TBC1D15: variants seen among roughly 807,000 people sequenced by gnomAD.
TBC1D15 encodes GAP for RAB7.
Under a neutral mutation model 95.4 loss-of-function variants are expected in TBC1D15, and 39 were observed. That is an observed-to-expected ratio of 0.41 (90% CI 0.32 to 0.53). The LOEUF is 0.53. Among genes scored for constraint, TBC1D15 ranks in the 20% least tolerant of loss-of-function variants. TBC1D15 has a pLI of 0.29. For missense variants in TBC1D15, 733 were observed against 794.3 expected, an observed-to-expected ratio of 0.92 and a Z score of 0.93; for synonymous variants, 258 against 261.3, an observed-to-expected ratio of 0.99 and a Z score of 0.12.
intron 5 of TBC1D15, among the ~76,000 whole-genome samples, chr12:71,885,403 A>G (rs1896033984): frequency 6.6e-6 from 1 of 152,178 alleles, no homozygotes; most frequent in Non-Finnish European, 1.5e-5. Context: ...GCAAGTCCTA[A>G]GTCCTTTATA....
At chr12:71,917,139 T>C (rs568318224) in intron 12 of TBC1D15, among the ~76,000 whole-genome samples, 2 of 152,312 alleles carry the variant, frequency 1.3e-5, no homozygotes, top group Non-Finnish European at 2.9e-5. Flanking sequence ...TATTTGCTTC[T>C]GTGTTCAGTC....
intron 1 of TBC1D15, among the ~76,000 whole-genome samples, chr12:71,860,405 T>C (rs571593888): frequency 6.6e-6 from 1 of 152,332 alleles, no homozygotes; most frequent in East Asian, 1.9e-4. Flanking sequence ...CTTTATTTTA[T>C]GTCCTCCTTA....
At chr12:71,898,002 A>G (rs756825378) in intron 10 of TBC1D15, 61 bp downstream of exon 10, 21 of 1,262,710 alleles carry the variant, frequency 1.7e-5, no homozygotes, top group Non-Finnish European at 2.2e-5. Context: ...TCTTGATAAG[A>G]GTAAAGAAGT....
At chr12:71,888,714 G>A (rs563912917) in intron 5 of TBC1D15, among the ~76,000 whole-genome samples, 46 of 152,130 alleles carry the variant, frequency 3.0e-4, no homozygotes, top group Admixed American at 2.9e-3. Flanking sequence ...AGCTTGGAAG[G>A]AATTATGCCA....
At position 71,894,729 on chromosome 12, in the gene TBC1D15, C is replaced by G; in HGVS notation, c.701C>G (p.Ser234Cys). The G allele has an allele frequency of 6.2e-7, 1 of 1,613,034 alleles. No homozygotes were observed. The highest frequency in any genetic ancestry group is 2.2e-5 in the East Asian group (1 of 44,836). The change falls in exon 7 of 17, where the codon TCC becomes TGC. Residue 234 changes from serine (S) to cysteine (C), a missense_variant. Transcript: ENST00000485960. ...TATACGGCAACTATGATAGGATTTT[C>G]CAAAGTCACAAACTACATTTTTGAC... ...DPYTATMIGF[S>C]KVTNYIFDSL...
chr12:71,874,843 G>A (rs546903162), intron 3 of TBC1D15, among the ~76,000 whole-genome samples: 198 of 151,794 alleles, frequency 1.3e-3, no homozygotes, highest in Non-Finnish European at 2.5e-3. Context: ...GGCTAGTCTC[G>A]AACTCCTGAC....
intron 1 of TBC1D15, among the ~76,000 whole-genome samples, chr12:71,840,882 G>C (rs553613463): frequency 6.6e-6 from 1 of 152,266 alleles, no homozygotes; most frequent in East Asian, 1.9e-4. Flanking sequence ...TTGGGCAATT[G>C]TGACTTTTGT....
In TBC1D15 at chr12:71,896,050, A is replaced by T. The variant is rs753390164; in HGVS notation, c.959A>T (p.Asn320Ile). The change falls in exon 8 of 17, where the codon AAT (asparagine) becomes ATT (isoleucine). Residue 320 changes from asparagine to isoleucine, a missense_variant. Physicochemically the swap from Asn to Ile is moderately radical, Grantham distance 149. Transcript: ENST00000485960. ...GAAGGAAGAATTTTAAATGTAGATA[A>T]TATGAAGCAGATGATATTTAGAGGG... ...DSEGRILNVD[N>I]MKQMIFRGGL... 127 of 1,610,954 alleles carry T rather than the reference A, an allele frequency of 7.9e-5. No homozygotes were observed. The highest frequency in any genetic ancestry group is 1.1e-4 in the Non-Finnish European group (124 of 1,177,712).
Position 71,894,893 on chromosome 12 carries a change from G to A in TBC1D15, c.855+10G>A. The stretch of plus-strand genomic sequence containing the variant: ...TGAAGTCATCACAAGAGTGAGTAAA[G>A]ATTAGTATTAATATAGCTCTTATAT... On this transcript the variant is annotated intron_variant, in intron 7 of 16. Coordinates refer to ENST00000485960, the MANE Select transcript of TBC1D15 (RefSeq NM_001146213.3). 6.2e-7 allele frequency: 1 copy of A among 1,608,852 alleles called. No individual in the cohort carries two copies. Among genetic ancestry groups the A allele is most frequent in the Non-Finnish European group, 8.5e-7 (1 of 1,176,380 alleles).
chr12:71,850,578 A>G (rs1024126537), intron 1 of TBC1D15: 1 of 156,234 alleles, frequency 6.4e-6, no homozygotes, highest in African/African-American at 2.4e-5. Context: ...ATGCCTGGCT[A>G]TTTTTTTTGT....
intron 12 of TBC1D15, 63 bp downstream of exon 12, chr12:71,913,989 T>G: frequency 8.1e-7 from 1 of 1,232,712 alleles, no homozygotes; most frequent in South Asian, 1.4e-5. Flanking sequence ...AATTTTATAG[T>G]ATAAGGTTGA....
At chr12:71,856,297 G>A (rs1457366758) in intron 1 of TBC1D15, among the ~76,000 whole-genome samples, 1 of 152,102 alleles carries the variant, frequency 6.6e-6, no homozygotes, top group African/African-American at 2.4e-5. Context: ...TATGGTCTGG[G>A]AAACTGATTA....
At chr12:71,854,531 A>G (rs945576597) in intron 1 of TBC1D15, 1 of 456,242 alleles carries the variant, frequency 2.2e-6, no homozygotes, top group Non-Finnish European at 4.4e-6. Flanking sequence ...GGCCTGCATT[A>G]ATTCTCTTTT....
intron 2 of TBC1D15, 84 bp downstream of exon 2, chr12:71,872,252 C>T (rs1210746943): frequency 4.1e-6 from 3 of 732,412 alleles, no homozygotes; most frequent in Non-Finnish European, 6.4e-6. Context: ...GTTTGAATTT[C>T]ATGTGTAAGA....
At chr12:71,893,119 GGT>G in intron 5 of TBC1D15, 101 bp from the exon 6 acceptor site, 1 of 593,216 alleles carries the variant, frequency 1.7e-6, no homozygotes, top group Non-Finnish European at 2.7e-6. Flanking sequence ...AAATATTTTG[GGT>G]TTTTTTTTTT....
intron 1 of TBC1D15, among the ~76,000 whole-genome samples, chr12:71,870,279 A>C (rs1005235558): frequency 2.6e-5 from 4 of 152,102 alleles, no homozygotes; most frequent in Non-Finnish European, 5.9e-5. Flanking sequence ...CTAACATTAT[A>C]AATAATACTG....
chr12:71,911,433 C>T (rs1212189501), intron 11 of TBC1D15, among the ~76,000 whole-genome samples: 2 of 150,804 alleles, frequency 1.3e-5, no homozygotes, highest in African/African-American at 4.9e-5. Context: ...CCATGGAATA[C>T]TATGCAGCCA....
intron 11 of TBC1D15, 59 bp downstream of exon 11, chr12:71,907,197 A>G: frequency 1.8e-6 from 2 of 1,084,134 alleles, no homozygotes; most frequent in African/African-American, 1.6e-5. Flanking sequence ...TAGAGTTTAC[A>G]TTTTTAATCC....
chr12:71,882,000 C>T (rs951474005), intron 4 of TBC1D15, among the ~76,000 whole-genome samples: 1 of 149,050 alleles, frequency 6.7e-6, no homozygotes, highest in African/African-American at 2.5e-5. Flanking sequence ...TTATTTTGAA[C>T]CCTCAAGCTT....
Sources: gnomAD v4.1 joint callset for allele counts (sites outside exome capture counted in the v4.1 genomes callset) on GRCh38, gnomAD v4.1.1 for gene constraint, MANE v1.5 for transcripts, NCBI Gene and HGNC (gene_info 2026-07-23, HGNC 2026-07-21) for gene names.